Variants in PTPRN2 observed in about 807,000 individuals in gnomAD.
PTPRN2 encodes receptor-type tyrosine-protein phosphatase N2.
Under a neutral mutation model 118.8 loss-of-function variants are expected in PTPRN2, and 74 were observed. The observed-to-expected ratio is 0.62, with a 90% CI of 0.52 to 0.76. The LOEUF (loss-of-function observed/expected upper bound fraction) is 0.76. Ranked by LOEUF, PTPRN2 falls within the 30% of genes least tolerant of loss-of-function variation. PTPRN2 has a pLI of 0.00. For synonymous variants in PTPRN2, 641 were observed against 608.0 expected (o/e 1.05, Z -0.80); for missense variants, 1,481 against 1,394.4 (o/e 1.06, Z -0.99).
At chr7:158,245,800 A>T (rs1318391309) in intron 3 of PTPRN2, among the ~76,000 whole-genome samples, 1 of 152,146 alleles carries the variant, frequency 6.6e-6, no homozygotes, top group Non-Finnish European at 1.5e-5. Flanking sequence ...GGCACACAGT[A>T]GGTCGCTTGT....
At chr7:157,544,101 G>A (rs1267459571) in intron 22 of PTPRN2, among the ~76,000 whole-genome samples, 9 of 151,634 alleles carry the variant, frequency 5.9e-5, no homozygotes, top group Non-Finnish European at 8.8e-5. Flanking sequence ...GAAGAGAGGC[G>A]GAGAGAGGTG....
At chr7:158,376,391 G>T (rs911132060) in intron 2 of PTPRN2, among the ~76,000 whole-genome samples, 1 of 150,488 alleles carries the variant, frequency 6.6e-6, no homozygotes, top group African/African-American at 2.4e-5. Context: ...CTGCGAGGGG[G>T]GGTCAGGGGA....
At chr7:158,262,635 CAA>C (rs1249849328) in intron 3 of PTPRN2, among the ~76,000 whole-genome samples, 2 of 147,646 alleles carry the variant, frequency 1.4e-5, no homozygotes, top group African/African-American at 2.5e-5. Flanking sequence ...ATTCACACTG[CAA>C]ACATTCACTG....
At chr7:157,997,726 C>T (rs1585169467) in intron 11 of PTPRN2, among the ~76,000 whole-genome samples, 1 of 148,112 alleles carries the variant, frequency 6.8e-6, no homozygotes, top group Admixed American at 6.7e-5. Flanking sequence ...CAGGCAGAGA[C>T]CAGTGGGTCA....
At chr7:158,270,901 GACCACCCCCCCCACCTGGACCA>G (rs1798394644) in intron 3 of PTPRN2, among the ~76,000 whole-genome samples, 1 of 71,104 alleles carries the variant, frequency 1.4e-5, no homozygotes, top group Non-Finnish European at 2.6e-5. Flanking sequence ...CCTCCACCTG[GACCACCCCCCCCACCTGGACCA>G]CCCCCCCCAC....
At chr7:158,090,591 A>G (rs1814035440) in intron 10 of PTPRN2, among the ~76,000 whole-genome samples, 1 of 152,212 alleles carries the variant, frequency 6.6e-6, no homozygotes, top group South Asian at 2.1e-4. Context: ...ATGGTCATAA[A>G]ACATGCCAAC....
chr7:158,269,152 G>T lies in PTPRN2; in HGVS notation c.277+47667C>A, dbSNP rs371088852. On this transcript the variant is annotated intron_variant, in intron 3 of 22. Coordinates refer to ENST00000389418, the MANE Select transcript of PTPRN2 (RefSeq NM_002847.5). ...CCGGTCACCCCCACCTTCTGTTGGA[G>T]TGGCCTTCAGGGAAAATGCCCCAAA... Among the ~76,000 whole-genome samples, 19 of 152,266 alleles carry T rather than the reference G, an allele frequency of 1.2e-4. No homozygotes were observed. In the East Asian group the frequency reaches 3.3e-3, roughly 26 times the overall value.
Position 157,554,975 on chromosome 7 carries a change from CCCCAGTGTGGCGGGCGT to C in PTPRN2, c.2903-5973_2903-5957del, listed in dbSNP as rs374619911. ...GCTCAGCACCCCAGTGTGGCGGGCGCCCCAGTGTGGCGGGCGTCCCAGTGTGGTGAGCACCGGCCAAG... is the reference window on the plus strand; with the variant it reads ...GCTCAGCACCCCAGTGTGGCGGGCGCCCCAGTGTGGTGAGCACCGGCCAAG... On this transcript the variant is annotated intron_variant, in intron 21 of 22. Coordinates refer to ENST00000389418, the MANE Select transcript of PTPRN2 (RefSeq NM_002847.5). Among the ~76,000 whole-genome samples, 250 of 152,162 alleles carry C rather than the reference CCCCAGTGTGGCGGGCGT, an allele frequency of 1.6e-3. 1 individual carries two copies. The highest frequency in any genetic ancestry group is 4.5e-3 in the African/African-American group (186 of 41,502).
rs76712442 is a variant in PTPRN2, at chr7:157,629,781, C to T, written c.2197-8272G>A. On this transcript the variant is annotated intron_variant, in intron 14 of 22. Transcript: ENST00000389418. The surrounding 1 kb of genome is among the most constrained non-coding windows in gnomAD (Gnocchi z 4.4). ...GCTATACTTCTCTTTTCTACAATGGCGCCTATTGCAGCACAATGCCCTTTA... is the reference window on the plus strand; with the variant it reads ...GCTATACTTCTCTTTTCTACAATGGTGCCTATTGCAGCACAATGCCCTTTA... Among the ~76,000 whole-genome samples, 2 of 152,316 alleles carry T rather than the reference C, an allele frequency of 1.3e-5. No homozygotes were observed. Among genetic ancestry groups the T allele is most frequent in the East Asian group, 3.9e-4 (2 of 5,186 alleles).
intron 3 of PTPRN2, among the ~76,000 whole-genome samples, chr7:158,315,466 C>A (rs1342415053): frequency 6.7e-6 from 1 of 148,350 alleles, no homozygotes; most frequent in East Asian, 2.1e-4. Context: ...GAACCCAGGA[C>A]TCCCTGAAGG....
chr7:157,777,763 C>T (rs1362218), intron 12 of PTPRN2, among the ~76,000 whole-genome samples: 28,211 of 152,178 alleles, frequency 0.19, 3,422 homozygotes, highest in African/African-American at 0.35. Flanking sequence ...AATCAGTCTG[C>T]ATGCAATGCC....
At chr7:158,264,832 TGG>T (rs1485586313) in intron 3 of PTPRN2, among the ~76,000 whole-genome samples, 1 of 152,190 alleles carries the variant, frequency 6.6e-6, no homozygotes. Context: ...GCTTCTCACG[TGG>T]GGTCCCTGGT....
chr7:158,078,253 G>C (rs966096036), intron 11 of PTPRN2, among the ~76,000 whole-genome samples: 1 of 152,134 alleles, frequency 6.6e-6, no homozygotes, highest in African/African-American at 2.4e-5. Flanking sequence ...TGATCTCCCC[G>C]CATTAATAAC....
chr7:158,238,112 C>G (rs1795652145), intron 3 of PTPRN2, among the ~76,000 whole-genome samples: 1 of 152,154 alleles, frequency 6.6e-6, no homozygotes, highest in Non-Finnish European at 1.5e-5. Context: ...CGTCCTGCCT[C>G]TCGGGGCGGC....
At chr7:158,071,590 A>T (rs1338131247) in intron 11 of PTPRN2, among the ~76,000 whole-genome samples, 6 of 38,732 alleles carry the variant, frequency 1.5e-4, no homozygotes, top group African/African-American at 2.3e-4. Context: ...CTCCTGGTGG[A>T]GGTGCTCCTG....
At chr7:157,754,790 G>A (rs1250150380) in intron 12 of PTPRN2, among the ~76,000 whole-genome samples, 1 of 152,230 alleles carries the variant, frequency 6.6e-6, no homozygotes, top group East Asian at 1.9e-4. Context: ...GGTAAAAGGT[G>A]GCGTAAACAC....
At chr7:158,423,047 T>C (rs1034896086) in intron 2 of PTPRN2, among the ~76,000 whole-genome samples, 1 of 152,154 alleles carries the variant, frequency 6.6e-6, no homozygotes, top group Non-Finnish European at 1.5e-5. Flanking sequence ...ACCACAGGTG[T>C]TCCATCCCTG....
Position 158,587,706 on chromosome 7 carries a change from G to T in PTPRN2, c.-37C>A, listed in dbSNP as rs1829065876. Reference sequence around the variant, plus strand: ...GGCCGGCGGCGCTCAGTCCATGGCCGCGCGGGAGGCGGCGGGAGGCGGCCG... The same window carrying T: ...GGCCGGCGGCGCTCAGTCCATGGCCTCGCGGGAGGCGGCGGGAGGCGGCCG... On this transcript the variant is annotated 5_prime_UTR_variant, in exon 1 of 23. Transcript: ENST00000389418. 2.6e-6 allele frequency: 3 copies of T among 1,168,914 alleles called. No homozygotes were observed. In the East Asian group the frequency reaches 1.2e-4, roughly 45 times the overall value. The allele number at this position is 1,168,914 out of a possible 1,614,324, so 72.4% of individuals were successfully genotyped here.
chr7:157,986,302 G>A lies in PTPRN2; in HGVS notation c.1724-87565C>T, dbSNP rs1234476098. Among the ~76,000 whole-genome samples the A allele has an allele frequency of 2.0e-5, 3 of 152,214 alleles. No individual in the cohort carries two copies. Among genetic ancestry groups the A allele is most frequent in the Admixed American group, 6.5e-5 (1 of 15,288 alleles). On this transcript the variant is annotated intron_variant, in intron 11 of 22. Transcript: ENST00000389418. The surrounding 1 kb of genome is among the most constrained non-coding windows in gnomAD (Gnocchi z 4.5). Reference sequence around the variant, plus strand: ...TAGGACCCAGGCAAGACTGCCAAGCGGATGAGGCTTCGCTTTAGGACCATG... The same window carrying A: ...TAGGACCCAGGCAAGACTGCCAAGCAGATGAGGCTTCGCTTTAGGACCATG...
Sources: allele counts gnomAD v4.1 joint callset (sites outside exome capture counted in the v4.1 genomes callset), GRCh38; gene constraint gnomAD v4.1.1; non-coding constraint Gnocchi (gnomAD v3.1); transcripts MANE v1.5; gene names NCBI Gene and HGNC (gene_info 2026-07-23, HGNC 2026-07-21).